The following GPC5 variants were observed in gnomAD, a reference collection of about 807,000 sequenced individuals.
The protein encoded by GPC5 is glypican-5.
GPC5 carries 47 observed loss-of-function variants against 53.9 expected under a neutral mutation model. The observed-to-expected ratio is 0.87, with a 90% CI of 0.69 to 1.11. GPC5 has a LOEUF of 1.11. GPC5 is among the 50% of genes most tolerant of loss of function. GPC5 has a pLI of 0.00. For synonymous variants in GPC5, 286 were observed against 263.3 expected, an observed-to-expected ratio of 1.09 and a Z score of -0.84; for missense variants, 748 against 713.1, an observed-to-expected ratio of 1.05 and a Z score of -0.56.
intron 1 of GPC5, among the ~76,000 whole-genome samples, chr13:91,405,659 C>A (rs961609327): frequency 1.3e-5 from 2 of 152,156 alleles, no homozygotes; most frequent in Non-Finnish European, 2.9e-5. Flanking sequence ...GTGATGGAGA[C>A]AGAGAACATA....
chr13:91,628,476 A>ATCTGTCTGTCTGTCTG (rs1030798499), intron 2 of GPC5, among the ~76,000 whole-genome samples: 2 of 39,274 alleles, frequency 5.1e-5, no homozygotes, highest in African/African-American at 2.5e-4. Flanking sequence ...TATCATTTGT[A>ATCTGTCTGTCTGTCTG]TCTATCTGTC....
intron 4 of GPC5, among the ~76,000 whole-genome samples, chr13:91,740,199 T>C (rs1566651199): frequency 6.6e-6 from 1 of 152,106 alleles, no homozygotes; most frequent in Admixed American, 6.6e-5. Flanking sequence ...GAATCTGACC[T>C]AGAGATGCCT....
chr13:91,756,185 A>G (rs1027999810), intron 4 of GPC5, 110 bp from the exon 5 acceptor site: 3 of 716,686 alleles, frequency 4.2e-6, no homozygotes, highest in Admixed American at 3.5e-5. Context: ...CATTATGCAT[A>G]ACAATATAAA....
intron 2 of GPC5, among the ~76,000 whole-genome samples, chr13:91,662,009 CAA>C (rs1555335173): frequency 6.6e-6 from 1 of 152,092 alleles, no homozygotes; most frequent in Non-Finnish European, 1.5e-5. Context: ...AGAGTTCAGA[CAA>C]GAGATCTAGG....
chr13:92,420,106 G>A (rs150717745), intron 7 of GPC5, among the ~76,000 whole-genome samples: 3 of 152,192 alleles, frequency 2.0e-5, no homozygotes, highest in African/African-American at 7.2e-5. Flanking sequence ...AGGCTTAGGG[G>A]TCAAATGTCT....
At chr13:92,059,464 A>G (rs1258575623) in intron 6 of GPC5, among the ~76,000 whole-genome samples, 1 of 152,180 alleles carries the variant, frequency 6.6e-6, no homozygotes, top group East Asian at 1.9e-4. Context: ...AGACATACAT[A>G]TAGCCATCTC....
At chr13:91,723,721 C>T (rs1321282975) in intron 3 of GPC5, among the ~76,000 whole-genome samples, 1 of 152,060 alleles carries the variant, frequency 6.6e-6, no homozygotes, top group Non-Finnish European at 1.5e-5. Flanking sequence ...ATTCTCTTAC[C>T]TCACCTATTG....
At chr13:92,754,369 A>G (rs1874748496) in intron 7 of GPC5, among the ~76,000 whole-genome samples, 1 of 152,234 alleles carries the variant, frequency 6.6e-6, no homozygotes, top group Non-Finnish European at 1.5e-5. Context: ...CAACTACTGC[A>G]AAATCATGCC....
intron 7 of GPC5, among the ~76,000 whole-genome samples, chr13:92,200,864 C>T (rs1458196907): frequency 3.3e-5 from 5 of 152,164 alleles, no homozygotes; most frequent in Non-Finnish European, 1.5e-5. Context: ...CTGTTGTGAC[C>T]TCAGGGTCGG....
intron 2 of GPC5, among the ~76,000 whole-genome samples, chr13:91,483,823 C>T (rs560608534): frequency 7.2e-5 from 11 of 152,246 alleles, no homozygotes; most frequent in African/African-American, 2.6e-4. Flanking sequence ...TTCTCATCAA[C>T]ATTACAGTGA....
intron 7 of GPC5, among the ~76,000 whole-genome samples, chr13:92,585,704 A>T (rs181757550): frequency 1.3e-5 from 2 of 152,312 alleles, no homozygotes; most frequent in African/African-American, 4.8e-5. Context: ...TCCAAATTTC[A>T]TCTTGAATTC....
intron 3 of GPC5, among the ~76,000 whole-genome samples, chr13:91,720,211 T>G (rs2036434273): frequency 6.6e-6 from 1 of 152,190 alleles, no homozygotes; most frequent in Admixed American, 6.5e-5. Context: ...GAATGATTTG[T>G]GTATTTCTTA....
intron 7 of GPC5, among the ~76,000 whole-genome samples, chr13:92,203,327 A>T (rs542162576): frequency 6.0e-5 from 9 of 149,030 alleles, no homozygotes; most frequent in African/African-American, 2.2e-4. Context: ...ATGAGTTCAT[A>T]TCCTTTGTAG....
intron 2 of GPC5, among the ~76,000 whole-genome samples, chr13:91,607,522 A>G (rs2139282536): frequency 6.6e-6 from 1 of 152,322 alleles, no homozygotes; most frequent in South Asian, 2.1e-4. Flanking sequence ...CGTAGATGAT[A>G]ACACCAGTTC....
In GPC5 at chr13:92,806,607, G is replaced by A. The variant is rs562903076; in HGVS notation, c.1562-59675G>A. Among the ~76,000 whole-genome samples the A allele has an allele frequency of 6.3e-4, 96 of 152,092 alleles. 1 individual carries two copies. The highest frequency in any genetic ancestry group is 2.3e-3 in the African/African-American group (94 of 41,530). Reference sequence around the variant, plus strand: ...TCATCCTATCAATGAAGCACCTAGAGGATATTTTAGGGTTATTAATTAGCC... The same window carrying A: ...TCATCCTATCAATGAAGCACCTAGAAGATATTTTAGGGTTATTAATTAGCC... On this transcript the variant is annotated intron_variant, in intron 7 of 7. Transcript: ENST00000377067.
At chr13:92,579,274 C>CCTCTCT (rs1161169576) in intron 7 of GPC5, among the ~76,000 whole-genome samples, 6 of 16,004 alleles carry the variant, frequency 3.7e-4, no homozygotes, top group African/African-American at 2.0e-3. Context: ...TCCCTCCCTC[C>CCTCTCT]CTCTCTCTCT....
chr13:91,964,230 G>C (rs375085749), intron 6 of GPC5, among the ~76,000 whole-genome samples: 18 of 152,184 alleles, frequency 1.2e-4, no homozygotes, highest in African/African-American at 3.6e-4. Flanking sequence ...CAAAGAGTGA[G>C]CAGCAGCAAG....
chr13:91,530,646 C>G (rs1056203114), intron 2 of GPC5, among the ~76,000 whole-genome samples: 12 of 152,138 alleles, frequency 7.9e-5, no homozygotes, highest in Admixed American at 5.2e-4. Context: ...TAATAGCATG[C>G]ATTTTGGCAT....
intron 5 of GPC5, among the ~76,000 whole-genome samples, chr13:91,882,670 G>GTTTTTTTTTTTTTTTTTTTTTTGTT: frequency 3.4e-5 from 2 of 59,322 alleles, no homozygotes; most frequent in African/African-American, 1.4e-4. Context: ...TGTTTTTTGG[G>GTTTTTTTTTTTTTTTTTTTTTTGTT]TTTTTTTTTT....
Sources: gnomAD v4.1 joint callset for allele counts (sites outside exome capture counted in the v4.1 genomes callset) on GRCh38, gnomAD v4.1.1 for gene constraint, MANE v1.5 for transcripts, NCBI Gene and HGNC (gene_info 2026-07-23, HGNC 2026-07-21) for gene names.